Variants in GRIN3A observed in about 807,000 individuals in gnomAD.
GRIN3A encodes the protein glutamate ionotropic receptor NMDA type subunit 3A.
GRIN3A carries 47 observed loss-of-function variants against 92.4 expected under a neutral mutation model. The ratio of observed to expected loss-of-function variants is 0.51; its 90% CI spans 0.40 to 0.65. GRIN3A has a LOEUF of 0.65. Among genes scored for constraint, GRIN3A ranks in the 30% least tolerant of loss-of-function variants. GRIN3A has a pLI of 0.00. For missense variants in GRIN3A, 1,324 were observed against 1,393.1 expected, an observed-to-expected ratio of 0.95 and a Z score of 0.79; for synonymous variants, 527 against 540.6, an observed-to-expected ratio of 0.97 and a Z score of 0.35.
At chr9:101,717,013 T>C (rs929638439) in intron 1 of GRIN3A, among the ~76,000 whole-genome samples, 2 of 152,178 alleles carry the variant, frequency 1.3e-5, no homozygotes, top group Non-Finnish European at 2.9e-5. Flanking sequence ...ACTGTATTAT[T>C]TGGGACTGTT....
At chr9:101,727,031 G>T (rs1159709208) in intron 1 of GRIN3A, among the ~76,000 whole-genome samples, 1 of 152,114 alleles carries the variant, frequency 6.6e-6, no homozygotes, top group African/African-American at 2.4e-5. Context: ...AACAATGACG[G>T]TGTCACAAAA....
At chr9:101,651,505 T>C (rs1039433259) in intron 3 of GRIN3A, among the ~76,000 whole-genome samples, 1 of 151,982 alleles carries the variant, frequency 6.6e-6, no homozygotes, top group African/African-American at 2.4e-5. Flanking sequence ...AGCATTTTAA[T>C]GTTAATTTGA....
At chr9:101,587,066 T>G (rs983559005) in intron 6 of GRIN3A, among the ~76,000 whole-genome samples, 2 of 152,146 alleles carry the variant, frequency 1.3e-5, no homozygotes, top group Admixed American at 1.3e-4. Context: ...TCCTAACACT[T>G]TGGGAGGCCG....
At chr9:101,644,494 T>C (rs968857599) in intron 3 of GRIN3A, among the ~76,000 whole-genome samples, 3 of 147,010 alleles carry the variant, frequency 2.0e-5, no homozygotes, top group Non-Finnish European at 4.5e-5. Context: ...TGTGAATACA[T>C]AGATATGTAT....
intron 1 of GRIN3A, among the ~76,000 whole-genome samples, chr9:101,694,833 G>A (rs1336375568): frequency 6.6e-6 from 1 of 152,106 alleles, no homozygotes; most frequent in East Asian, 1.9e-4. Flanking sequence ...TCCAAGAACA[G>A]ATAATCATTA....
chr9:101,588,404 T>C (rs1407570963), intron 6 of GRIN3A, among the ~76,000 whole-genome samples: 2 of 152,160 alleles, frequency 1.3e-5, no homozygotes, highest in African/African-American at 2.4e-5. Flanking sequence ...GGAAACTGCT[T>C]AGTGGCTCAT....
chr9:101,711,905 C>G (rs1194853440), intron 1 of GRIN3A, among the ~76,000 whole-genome samples: 1 of 152,174 alleles, frequency 6.6e-6, no homozygotes, highest in Non-Finnish European at 1.5e-5. Flanking sequence ...TCCGTGCCCT[C>G]GGAGATACCA....
chr9:101,626,602 G>T (rs779746583), intron 4 of GRIN3A, among the ~76,000 whole-genome samples: 2 of 152,198 alleles, frequency 1.3e-5, no homozygotes, highest in Non-Finnish European at 2.9e-5. Context: ...CTCAATCAGT[G>T]AATTGCCTGG....
chr9:101,702,470 G>T (rs542319677), intron 1 of GRIN3A, among the ~76,000 whole-genome samples: 28 of 152,102 alleles, frequency 1.8e-4, no homozygotes, highest in Non-Finnish European at 2.6e-4. Flanking sequence ...CAGCACAGTT[G>T]TTCACTCCCT....
rs200276152 is a variant in GRIN3A, at chr9:101,687,120, G to T, written c.780C>A (p.Asn260Lys). The change falls in exon 2 of 9, where the codon AAC (asparagine) becomes AAA (lysine). Residue 260 changes from asparagine (N) to lysine (K), a missense_variant. Transcript: ENST00000361820. The stretch of plus-strand genomic sequence containing the variant: ...GCAACAAGCTAAAATTGTACCAGTT[G>T]TTCATGGTCAGGATTGAGACAGTGA... ...ADVTVSILTM[N>K]NWYNFSLLLC... 76 of 1,613,964 alleles carry T rather than the reference G, an allele frequency of 4.7e-5. No homozygotes were observed. Among genetic ancestry groups the T allele is most frequent in the Admixed American group, 3.2e-4 (19 of 59,994 alleles).
chr9:101,721,714 G>T (rs1830015087), intron 1 of GRIN3A, among the ~76,000 whole-genome samples: 1 of 152,192 alleles, frequency 6.6e-6, no homozygotes, highest in Non-Finnish European at 1.5e-5. Flanking sequence ...TCAGCAAAGA[G>T]ACTGGAGGCA....
Position 101,735,866 on chromosome 9 carries a change from A to T in GRIN3A, c.699+1415T>A, listed in dbSNP as rs181312288. 2.1e-3 allele frequency among the ~76,000 whole-genome samples: 318 copies of T among 152,288 alleles called. 1 individual carries two copies. The highest frequency in any genetic ancestry group is 7.0e-3 in the African/African-American group (291 of 41,566). On this transcript the variant is annotated intron_variant, in intron 1 of 8. Coordinates refer to ENST00000361820, the MANE Select transcript of GRIN3A (RefSeq NM_133445.3). Reference sequence around the variant, plus strand: ...ACAGAAATATTTTATATAAAAGTTAATTAGCCTGCACTCTACAGATCAAAT... The same window carrying T: ...ACAGAAATATTTTATATAAAAGTTATTTAGCCTGCACTCTACAGATCAAAT...
At chr9:101,598,218 T>G (rs1215595883) in intron 6 of GRIN3A, among the ~76,000 whole-genome samples, 3 of 152,198 alleles carry the variant, frequency 2.0e-5, no homozygotes, top group Non-Finnish European at 4.4e-5. Context: ...TATGAATGAG[T>G]TGTTTTACAC....
chr9:101,644,751 A>C (rs1447263310), intron 3 of GRIN3A, among the ~76,000 whole-genome samples: 1 of 151,904 alleles, frequency 6.6e-6, no homozygotes, highest in Non-Finnish European at 1.5e-5. Flanking sequence ...CCTTCTTCAG[A>C]AGTAGCCATT....
chr9:101,661,130 G>T (rs1477399209), intron 3 of GRIN3A, among the ~76,000 whole-genome samples: 2 of 151,860 alleles, frequency 1.3e-5, no homozygotes, highest in African/African-American at 4.8e-5. Context: ...AAATTTTTGT[G>T]TGGGAGTGGT....
rs1035999508 is a variant in GRIN3A, at chr9:101,670,777, G to A, written c.1635C>T (p.Asp545=). 1.9e-6 allele frequency: 3 copies of A among 1,613,902 alleles called. No individual in the cohort carries two copies. Among genetic ancestry groups the A allele is most frequent in the South Asian group, 2.2e-5 (2 of 91,090 alleles). The change falls in exon 3 of 9, where the codon GAC becomes GAT. Residue 545 remains aspartate, a synonymous_variant. Transcript: ENST00000361820. ...GLCPAGQLCL[D]PMTNDSSTLD... ...ATGTGGAAGAGTCATTAGTCATGGGGTCTAGACAGAGTTGGCCAGCAGGGC... is the reference window on the plus strand; with the variant it reads ...ATGTGGAAGAGTCATTAGTCATGGGATCTAGACAGAGTTGGCCAGCAGGGC...
intron 5 of GRIN3A, among the ~76,000 whole-genome samples, chr9:101,618,757 T>A (rs1021536980): frequency 6.6e-6 from 1 of 152,078 alleles, no homozygotes; most frequent in Non-Finnish European, 1.5e-5. Flanking sequence ...AAATAAAACC[T>A]TGAGGGTTTT....
chr9:101,605,642 G>A (rs1473054354), intron 6 of GRIN3A, among the ~76,000 whole-genome samples: 1 of 152,228 alleles, frequency 6.6e-6, no homozygotes, highest in East Asian at 1.9e-4. Flanking sequence ...GAGGCTGGTG[G>A]TTTCAGGAAT....
At chr9:101,650,714 A>G (rs531107803) in intron 3 of GRIN3A, among the ~76,000 whole-genome samples, 2 of 152,002 alleles carry the variant, frequency 1.3e-5, no homozygotes, top group African/African-American at 2.4e-5. Context: ...GGATCCAGAA[A>G]CTAAACCAAG....
Sources: gnomAD v4.1 joint callset for allele counts (sites outside exome capture counted in the v4.1 genomes callset) on GRCh38, gnomAD v4.1.1 for gene constraint, MANE v1.5 for transcripts, NCBI Gene and HGNC (gene_info 2026-07-23, HGNC 2026-07-21) for gene names.